Variants in HS3ST4 observed in about 807,000 individuals in gnomAD.
The protein encoded by HS3ST4 is heparan sulfate-glucosamine 3-sulfotransferase 4, also known as heparan sulfate glucosamine 3-O-sulfotransferase 4.
Under a neutral mutation model 29.2 loss-of-function variants are expected in HS3ST4, and 17 were observed. The observed-to-expected ratio is 0.58, with a 90% confidence interval of 0.40 to 0.87. HS3ST4 has a LOEUF of 0.87. Among genes scored for constraint, HS3ST4 ranks in the 40% least tolerant of loss-of-function variants. HS3ST4 has a pLI of 0.00. For missense variants in HS3ST4, 627 were observed against 634.5 expected, an observed-to-expected ratio of 0.99 and a Z score of 0.13; for synonymous variants, 314 against 285.7, an observed-to-expected ratio of 1.10 and a Z score of -1.00.
chr16:25,907,030 A>C (rs1596610245), intron 1 of HS3ST4, among the ~76,000 whole-genome samples: 1 of 152,092 alleles, frequency 6.6e-6, no homozygotes, highest in Admixed American at 6.5e-5. Context: ...CCCTATCTCT[A>C]TAAAAATGTT....
intron 1 of HS3ST4, among the ~76,000 whole-genome samples, chr16:25,851,222 G>A (rs1174729134): frequency 1.3e-5 from 2 of 152,146 alleles, no homozygotes; most frequent in Non-Finnish European, 1.5e-5. Flanking sequence ...CATGCAGATG[G>A]ATGCCTGGCG....
intron 1 of HS3ST4, among the ~76,000 whole-genome samples, chr16:25,706,625 G>A (rs1192340429): frequency 6.6e-6 from 1 of 152,074 alleles, no homozygotes. Flanking sequence ...GAATGAGAAC[G>A]TGCGGTGGCC....
intron 1 of HS3ST4, among the ~76,000 whole-genome samples, chr16:26,075,235 C>T (rs1898648020): frequency 6.6e-6 from 1 of 152,106 alleles, no homozygotes; most frequent in South Asian, 2.1e-4. Flanking sequence ...TGAGAAAACT[C>T]TTCCAGACCA....
intron 1 of HS3ST4, among the ~76,000 whole-genome samples, chr16:26,109,484 G>C (rs998898162): frequency 6.6e-6 from 1 of 151,984 alleles, no homozygotes; most frequent in Non-Finnish European, 1.5e-5. Flanking sequence ...ACCAGGCACA[G>C]CACTGGTTCC....
chr16:25,779,827 A>G (rs1966851054), intron 1 of HS3ST4, among the ~76,000 whole-genome samples: 3 of 152,314 alleles, frequency 2.0e-5, no homozygotes, highest in South Asian at 4.1e-4. Flanking sequence ...TGCTGTTTAC[A>G]AGAGGGAAAC....
At chr16:25,957,887 A>G (rs1447623539) in intron 1 of HS3ST4, among the ~76,000 whole-genome samples, 2 of 133,944 alleles carry the variant, frequency 1.5e-5, no homozygotes, top group African/African-American at 5.0e-5. Context: ...GTGGGGATCA[A>G]CAGGTGGCTG....
intron 1 of HS3ST4, among the ~76,000 whole-genome samples, chr16:25,709,192 C>T (rs553739450): frequency 7.3e-4 from 111 of 152,000 alleles, no homozygotes; most frequent in African/African-American, 2.6e-3. Context: ...CAAAACTTCT[C>T]TCCTTGTGGC....
Position 25,897,464 on chromosome 16 carries a change from A to G in HS3ST4, c.734+204313A>G, listed in dbSNP as rs141799263. ...GAGATCCTGTCCCCCCACAAAAATGATAATATAAAATTGGCCCAAAGGGGC... is the reference window on the plus strand; with the variant it reads ...GAGATCCTGTCCCCCCACAAAAATGGTAATATAAAATTGGCCCAAAGGGGC... On this transcript the variant is annotated intron_variant, in intron 1 of 1. Transcript: ENST00000331351. Among the ~76,000 whole-genome samples the G allele has an allele frequency of 9.9e-4, 150 of 152,234 alleles. 3 individuals carry two copies. The highest frequency in any genetic ancestry group is 3.5e-3 in the African/African-American group (144 of 41,560).
chr16:25,929,912 C>T (rs924980344), intron 1 of HS3ST4, among the ~76,000 whole-genome samples: 2 of 152,124 alleles, frequency 1.3e-5, no homozygotes, highest in Non-Finnish European at 2.9e-5. Context: ...GGTACTAAGG[C>T]CAGTGCCCAA....
At chr16:25,734,540 C>T (rs796953813) in intron 1 of HS3ST4, among the ~76,000 whole-genome samples, 13 of 152,190 alleles carry the variant, frequency 8.5e-5, no homozygotes, top group South Asian at 8.3e-4. Context: ...TGTGGATTTC[C>T]GGGCACTCTG....
chr16:25,891,169 C>T (rs1043232420), intron 1 of HS3ST4, among the ~76,000 whole-genome samples: 3 of 152,098 alleles, frequency 2.0e-5, no homozygotes, highest in Non-Finnish European at 4.4e-5. Flanking sequence ...CTACAGTGAG[C>T]CTGTCACCGG....
At chr16:25,848,560 A>T (rs1195499454) in intron 1 of HS3ST4, among the ~76,000 whole-genome samples, 1 of 151,676 alleles carries the variant, frequency 6.6e-6, no homozygotes, top group East Asian at 1.9e-4. Flanking sequence ...AGATTTATTG[A>T]TGTAAATTTA....
At chr16:26,047,773 A>G (rs1567301336) in intron 1 of HS3ST4, among the ~76,000 whole-genome samples, 1 of 152,228 alleles carries the variant, frequency 6.6e-6, no homozygotes, top group East Asian at 1.9e-4. Flanking sequence ...TTATATGAGT[A>G]AGAACTGGAC....
rs62036812 is a variant in HS3ST4, at chr16:26,126,227, T to C, written c.735-9385T>C. Among the ~76,000 whole-genome samples the C allele has an allele frequency of 5.8e-3, 881 of 152,282 alleles. 7 individuals are homozygous for C. Among genetic ancestry groups the C allele is most frequent in the Middle Eastern group, 0.02 (6 of 294 alleles). On this transcript the variant is annotated intron_variant, in intron 1 of 1. Transcript: ENST00000331351. ...TGTTGGCCAGAAGGTCTTCAAAAACTTAATACTTAGTACTCAGCCACACAA... is the reference window on the plus strand; with the variant it reads ...TGTTGGCCAGAAGGTCTTCAAAAACCTAATACTTAGTACTCAGCCACACAA...
chr16:25,737,795 C>T (rs536805372), intron 1 of HS3ST4, among the ~76,000 whole-genome samples: 2 of 152,166 alleles, frequency 1.3e-5, no homozygotes, highest in Non-Finnish European at 1.5e-5. Context: ...TGCCCACCTC[C>T]CTCTCCCTTC....
At chr16:26,039,413 A>G (rs1481294491) in intron 1 of HS3ST4, among the ~76,000 whole-genome samples, 2 of 152,130 alleles carry the variant, frequency 1.3e-5, no homozygotes, top group Non-Finnish European at 2.9e-5. Flanking sequence ...CTTCTCCATG[A>G]AATACTTTGG....
At chr16:25,938,894 G>T (rs576810796) in intron 1 of HS3ST4, among the ~76,000 whole-genome samples, 2 of 152,308 alleles carry the variant, frequency 1.3e-5, no homozygotes, top group South Asian at 4.1e-4. Flanking sequence ...AGCAAAGGAG[G>T]TAACTGTTGG....
intron 1 of HS3ST4, among the ~76,000 whole-genome samples, chr16:25,764,279 G>C (rs1221031320): frequency 6.6e-6 from 1 of 152,216 alleles, no homozygotes; most frequent in African/African-American, 2.4e-5. Flanking sequence ...AGGAGAAAGA[G>C]AGGGTGAGAA....
intron 1 of HS3ST4, among the ~76,000 whole-genome samples, chr16:25,811,676 C>A (rs1231925627): frequency 2.0e-5 from 3 of 151,896 alleles, no homozygotes; most frequent in Non-Finnish European, 4.4e-5. Context: ...CAGGTGATAC[C>A]CCCGCCTCGG....
Sources: allele counts gnomAD v4.1 joint callset (sites outside exome capture counted in the v4.1 genomes callset), GRCh38; gene constraint gnomAD v4.1.1; transcripts MANE v1.5; gene names NCBI Gene and HGNC (gene_info 2026-07-23, HGNC 2026-07-21).